Variants in MAGI2 observed in about 807,000 individuals in gnomAD.
MAGI2 encodes the protein membrane-associated guanylate kinase, WW and PDZ domain-containing protein 2.
Under a neutral mutation model 133.3 loss-of-function variants are expected in MAGI2, and 35 were observed. The observed-to-expected ratio is 0.26, with a 90% CI of 0.20 to 0.35. MAGI2 has a LOEUF of 0.35. Ranked by LOEUF, MAGI2 falls within the 10% of genes least tolerant of loss-of-function variation. The probability of loss-of-function intolerance (pLI) is 1.00; values close to 1 mark genes in which losing one functional copy is unlikely to be tolerated. For synonymous variants in MAGI2, 729 were observed against 710.6 expected, an observed-to-expected ratio of 1.03 and a Z score of -0.41; for missense variants, 1,636 against 1,863.4, an observed-to-expected ratio of 0.88 and a Z score of 2.25.
At chr7:78,939,384 C>T (rs1313742539) in intron 2 of MAGI2, among the ~76,000 whole-genome samples, 1 of 152,020 alleles carries the variant, frequency 6.6e-6, no homozygotes, top group Non-Finnish European at 1.5e-5. Context: ...TGGGATCTTG[C>T]CATAAAGAGA....
chr7:78,199,642 C>T (rs1181227657), intron 11 of MAGI2, among the ~76,000 whole-genome samples: 7 of 152,152 alleles, frequency 4.6e-5, no homozygotes, highest in African/African-American at 1.7e-4. Context: ...CATTATAGTC[C>T]TCAAGAGTTT....
chr7:78,632,883 C>T (rs1809170204), intron 2 of MAGI2, among the ~76,000 whole-genome samples: 1 of 152,174 alleles, frequency 6.6e-6, no homozygotes, highest in African/African-American at 2.4e-5. Flanking sequence ...CCCAGCAATC[C>T]CATTACTGGG....
intron 2 of MAGI2, among the ~76,000 whole-genome samples, chr7:78,820,428 G>A (rs997556988): frequency 1.3e-5 from 2 of 151,844 alleles, no homozygotes; most frequent in Non-Finnish European, 2.9e-5. Context: ...AAGGAACGGA[G>A]AGACATAGTC....
intron 1 of MAGI2, among the ~76,000 whole-genome samples, chr7:79,015,937 G>A (rs1489301303): frequency 6.8e-6 from 1 of 147,562 alleles, no homozygotes. Flanking sequence ...GGTCAAAGGG[G>A]CAGGAAGCAG....
intron 1 of MAGI2, among the ~76,000 whole-genome samples, chr7:79,228,354 C>CCAAAAAAAAAAAAAAAAAAAA (rs1831045859): frequency 3.2e-5 from 1 of 31,438 alleles, no homozygotes; most frequent in South Asian, 2.5e-3. Context: ...AAAAAACAGG[C>CCAAAAAAAAAAAAAAAAAAAA]AAAAAAAAAA....
intron 6 of MAGI2, among the ~76,000 whole-genome samples, chr7:78,394,794 T>C (rs1421374860): frequency 1.3e-5 from 2 of 152,216 alleles, no homozygotes; most frequent in Non-Finnish European, 2.9e-5. Flanking sequence ...GGTTGTTGCA[T>C]TCCCAACATC....
At chr7:79,331,512 C>G (rs1052265054) in intron 1 of MAGI2, among the ~76,000 whole-genome samples, 2 of 152,138 alleles carry the variant, frequency 1.3e-5, no homozygotes, top group African/African-American at 4.8e-5. Flanking sequence ...TTAACTCCCA[C>G]ACATTGACTA....
intron 1 of MAGI2, among the ~76,000 whole-genome samples, chr7:79,256,779 C>G (rs767769778): frequency 3.9e-5 from 6 of 151,972 alleles, no homozygotes; most frequent in Non-Finnish European, 7.4e-5. Flanking sequence ...GCATGAGCCA[C>G]CACGCCCCGC....
In MAGI2 at chr7:78,256,508, C is replaced by T; in HGVS notation, c.1482G>A (p.Gln494=). ...TGACACTCTGACCAATAGGAACAGA[C>T]TGGAAAAGTTTGACAACATCTGCAT... is the stretch of plus-strand genomic sequence containing the variant. ...HTHADVVKLF[Q]SVPIGQSVNL... Residue 494 remains glutamine, a synonymous_variant, in exon 10 of 22, where the codon CAG becomes CAA. Transcript: ENST00000354212. The T allele has an allele frequency of 6.2e-7, 1 of 1,613,740 alleles. No individual in the cohort carries two copies. The highest frequency in any genetic ancestry group is 2.2e-5 in the East Asian group (1 of 44,790).
chr7:79,078,745 T>A (rs2129541727), intron 1 of MAGI2, among the ~76,000 whole-genome samples: 1 of 152,266 alleles, frequency 6.6e-6, no homozygotes, highest in African/African-American at 2.4e-5. Context: ...ACCAAGGAAA[T>A]ACACCAATAA....
intron 6 of MAGI2, among the ~76,000 whole-genome samples, chr7:78,396,859 AC>A (rs1796391722): frequency 6.6e-6 from 1 of 152,138 alleles, no homozygotes; most frequent in Non-Finnish European, 1.5e-5. Context: ...TCTGTTCTTG[AC>A]CCTATGAGAC....
intron 1 of MAGI2, among the ~76,000 whole-genome samples, chr7:79,197,159 G>T (rs760481771): frequency 5.1e-4 from 78 of 151,878 alleles, no homozygotes; most frequent in Admixed American, 2.9e-3. Flanking sequence ...GCCTGTCCTT[G>T]TTCTTCCAGA....
chr7:78,757,286 C>CCTCCCTCCTT (rs1233494622), intron 2 of MAGI2, among the ~76,000 whole-genome samples: 1 of 145,990 alleles, frequency 6.8e-6, no homozygotes, highest in African/African-American at 2.5e-5. Flanking sequence ...CTCCTCCCTC[C>CCTCCCTCCTT]CTCCCTCCTT....
rs140346660 is a variant in MAGI2 at position 79,171,224 on chromosome 7, G to T, written c.302-164018C>A. Among the ~76,000 whole-genome samples, 814 of 152,146 alleles carry T rather than the reference G, an allele frequency of 5.4e-3. 7 individuals carry two copies. The highest frequency in any genetic ancestry group is 5.6e-3 in the Non-Finnish European group (381 of 67,986). On this transcript the variant is annotated intron_variant, in intron 1 of 21. Transcript: ENST00000354212. ...TTCTGAAGGCAGTAGGGAAGGATTT[G>T]TTCCAAGACCTTCTCTTAGCTTCTG...
At chr7:79,042,951 T>C (rs1562824044) in intron 1 of MAGI2, among the ~76,000 whole-genome samples, 2 of 152,144 alleles carry the variant, frequency 1.3e-5, no homozygotes, top group South Asian at 2.1e-4. Context: ...TATACAATCA[T>C]GGAAATTAAA....
intron 3 of MAGI2, among the ~76,000 whole-genome samples, chr7:78,580,998 C>T (rs566591031): frequency 6.6e-6 from 1 of 152,234 alleles, no homozygotes; most frequent in South Asian, 2.1e-4. Flanking sequence ...ATTTAGTTCT[C>T]ATTTATAGTC....
chr7:78,677,284 G>A (rs1258551264), intron 2 of MAGI2, among the ~76,000 whole-genome samples: 1 of 151,218 alleles, frequency 6.6e-6, no homozygotes, highest in African/African-American at 2.4e-5. Context: ...TTTAGTACAT[G>A]TCAGGTTTTT....
intron 1 of MAGI2, among the ~76,000 whole-genome samples, chr7:79,151,721 T>C (rs576007996): frequency 1.3e-5 from 2 of 152,222 alleles, no homozygotes; most frequent in East Asian, 3.9e-4. Flanking sequence ...GTAAATTTGA[T>C]AGAAAAGTAA....
At position 78,514,686 on chromosome 7, in the gene MAGI2, C is replaced by T. The variant is rs145820861; in HGVS notation, c.754+6744G>A. ...TGGGGCATTATTCACAGGAAAACAG[C>T]GAGATTCACTAGGGAGGACATAATT... On this transcript the variant is annotated intron_variant, in intron 4 of 21. Coordinates refer to ENST00000354212, the MANE Select transcript of MAGI2 (RefSeq NM_012301.4). Among the ~76,000 whole-genome samples, 17 of 152,258 alleles carry T rather than the reference C, an allele frequency of 1.1e-4. No individual in the cohort carries two copies. The East Asian group carries it at 1.9e-3, about 17-fold the overall frequency.
Sources: gnomAD v4.1 joint callset for allele counts (sites outside exome capture counted in the v4.1 genomes callset) on GRCh38, gnomAD v4.1.1 for gene constraint, MANE v1.5 for transcripts, NCBI Gene and HGNC (gene_info 2026-07-23, HGNC 2026-07-21) for gene names.